Variants in WIPF1 observed in about 807,000 individuals in gnomAD.
WIPF1 encodes WAS/WASL interacting protein family member 1.
WIPF1 carries 13 observed loss-of-function variants against 35.4 expected under a neutral mutation model. The observed-to-expected ratio is 0.37, with a 90% confidence interval of 0.24 to 0.58. The LOEUF (loss-of-function observed/expected upper bound fraction) is 0.58, where lower values mean the gene tolerates loss of function less well. Among genes scored for constraint, WIPF1 ranks in the 20% least tolerant of loss-of-function variants. The pLI, the probability that WIPF1 is intolerant of heterozygous loss-of-function variation, is 0.74. For missense variants in WIPF1, 591 were observed against 667.0 expected (o/e 0.89, Z 1.25); for synonymous variants, 267 against 266.3 (o/e 1.00, Z -0.02).
chr2:174,591,029 T>C (rs775153524), intron 1 of WIPF1, among the ~76,000 whole-genome samples: 47 of 152,174 alleles, frequency 3.1e-4, no homozygotes, highest in Middle Eastern at 3.2e-3. Flanking sequence ...TTTAAAGAGG[T>C]GATTAAGCTA....
At chr2:174,676,297 T>TTCCTTCCTCCC (rs1688129369) in intron 1 of WIPF1, 1 of 119,850 alleles carries the variant, frequency 8.3e-6, no homozygotes. Context: ...CCTCCCTTCC[T>TTCCTTCCTCCC]TCCTTCCTCC....
At chr2:174,673,471 T>C (rs1441058615) in intron 1 of WIPF1, 5 of 152,216 alleles carry the variant, frequency 3.3e-5, no homozygotes, top group African/African-American at 4.8e-5. Flanking sequence ...GACCTCTGGG[T>C]TCTGCATAAG....
Position 174,571,953 on chromosome 2 carries a change from A to AGGG in WIPF1, c.849_851dup (p.Pro287dup), listed in dbSNP as rs1559147066. The AGGG allele has an allele frequency of 1.3e-6, 2 of 1,573,216 alleles. No individual in the cohort carries two copies. Among genetic ancestry groups the AGGG allele is most frequent in the Admixed American group, 3.7e-5 (2 of 54,370 alleles). Reference sequence around the variant, plus strand: ...GAGGCTTGTTGTTCTGAGGAGGAGGAGGGGGAACCGCTTCCCTGTGGATGG... The same window carrying AGGG: ...GAGGCTTGTTGTTCTGAGGAGGAGGAGGGGGGGGAACCGCTTCCCTGTGGATGG... On this transcript the variant is annotated inframe_insertion, in exon 5 of 8. Coordinates refer to ENST00000679041, the MANE Select transcript of WIPF1 (RefSeq NM_001375834.1). The surrounding 1 kb of genome is among the most constrained non-coding windows in gnomAD (Gnocchi z 4.6).
chr2:174,606,305 C>CA (rs1209101025), intron 1 of WIPF1, among the ~76,000 whole-genome samples: 2 of 152,000 alleles, frequency 1.3e-5, no homozygotes, highest in African/African-American at 2.4e-5. Flanking sequence ...AAAATAGTAT[C>CA]AAAAAAACCA....
chr2:174,670,877 G>A (rs917661041), intron 1 of WIPF1, among the ~76,000 whole-genome samples: 2 of 143,584 alleles, frequency 1.4e-5, no homozygotes, highest in Non-Finnish European at 3.2e-5. Flanking sequence ...TAGGCATAGG[G>A]TGTTTTGTCT....
intron 1 of WIPF1, among the ~76,000 whole-genome samples, chr2:174,609,625 A>G (rs1686282362): frequency 6.6e-6 from 1 of 152,248 alleles, no homozygotes; most frequent in Non-Finnish European, 1.5e-5. Flanking sequence ...AATTAAGACT[A>G]CATTGATTTG....
chr2:174,593,212 A>G (rs186993909), intron 1 of WIPF1, among the ~76,000 whole-genome samples: 9,968 of 152,164 alleles, frequency 0.066, 456 homozygotes, highest in Non-Finnish European at 0.1. Flanking sequence ...TTATAAGTAC[A>G]TGTACATCTC....
intron 1 of WIPF1, among the ~76,000 whole-genome samples, chr2:174,594,023 T>TA (rs1457182360): frequency 6.6e-6 from 1 of 152,244 alleles, no homozygotes; most frequent in Non-Finnish European, 1.5e-5. Context: ...TATGCATTGT[T>TA]AGTCTCCATT....
chr2:174,640,884 C>T (rs891236311), intron 1 of WIPF1, among the ~76,000 whole-genome samples: 6 of 152,160 alleles, frequency 3.9e-5, no homozygotes, highest in South Asian at 4.1e-4. Flanking sequence ...CAATGACATT[C>T]TTCACAGAAA....
intron 1 of WIPF1, among the ~76,000 whole-genome samples, chr2:174,643,630 C>T (rs1687343426): frequency 7.2e-6 from 1 of 138,470 alleles, no homozygotes; most frequent in East Asian, 1.9e-4. Context: ...TGCTGGTCTC[C>T]AACTTCTGAC....
intron 1 of WIPF1, among the ~76,000 whole-genome samples, chr2:174,609,640 G>A (rs533267281): frequency 1.3e-5 from 2 of 152,336 alleles, no homozygotes; most frequent in South Asian, 4.1e-4. Flanking sequence ...GATTTGGAGG[G>A]AAATTGTGTG....
chr2:174,676,437 C>G (rs1688133855), intron 1 of WIPF1: 2 of 148,842 alleles, frequency 1.3e-5, no homozygotes, highest in South Asian at 4.3e-4. Context: ...TCCTGAGTAG[C>G]TGGGACTACA....
chr2:174,596,572 A>G (rs1186860810), intron 1 of WIPF1, among the ~76,000 whole-genome samples: 3 of 152,094 alleles, frequency 2.0e-5, no homozygotes, highest in Non-Finnish European at 4.4e-5. Flanking sequence ...CCACCTCTCC[A>G]TTCTCTACTA....
Position 174,581,396 on chromosome 2 carries a change from C to G in WIPF1, c.95G>C (p.Gly32Ala). ...GATATCAGAAAGGAGAGCATTTCTCCCAGCCTGCTCTGTCTTATTCAAGGT... is the reference window on the plus strand; with the variant it reads ...GATATCAGAAAGGAGAGCATTTCTCGCAGCCTGCTCTGTCTTATTCAAGGT... ...KPTLNKTEQA[G>A]RNALLSDISK... The change falls in exon 3 of 8, where the codon GGG becomes GCG. Residue 32 changes from glycine to alanine, a missense_variant. This residue lies in a region of WIPF1 where 471 missense variants were observed against 501.1 expected (regional missense o/e 0.94). Transcript: ENST00000679041. The G allele has an allele frequency of 6.2e-7, 1 of 1,614,000 alleles. No individual in the cohort carries two copies. The highest frequency in any genetic ancestry group is 8.5e-7 in the Non-Finnish European group (1 of 1,179,976).
chr2:174,612,607 G>A (rs770536835), intron 1 of WIPF1, among the ~76,000 whole-genome samples: 2 of 151,260 alleles, frequency 1.3e-5, no homozygotes, highest in African/African-American at 2.4e-5. Context: ...TGATACATAC[G>A]ATTAAATTAT....
chr2:174,675,978 A>G (rs1267320037), intron 1 of WIPF1, among the ~76,000 whole-genome samples: 3 of 139,838 alleles, frequency 2.1e-5, no homozygotes, highest in Non-Finnish European at 4.6e-5. Context: ...ACAGAGTCTC[A>G]CTCTATCACC....
intron 1 of WIPF1, among the ~76,000 whole-genome samples, chr2:174,644,596 G>A (rs147754764): frequency 6.6e-6 from 1 of 152,160 alleles, no homozygotes; most frequent in Non-Finnish European, 1.5e-5. Context: ...GCAATCTGGA[G>A]ATCTACAGAG....
intron 1 of WIPF1, among the ~76,000 whole-genome samples, chr2:174,618,430 A>C (rs1298029913): frequency 1.3e-5 from 2 of 152,018 alleles, no homozygotes; most frequent in East Asian, 1.9e-4. Flanking sequence ...CAGTGGACTT[A>C]AGAGAGGAGG....
At chr2:174,679,209 G>A (rs1688200807) in intron 1 of WIPF1, among the ~76,000 whole-genome samples, 2 of 152,098 alleles carry the variant, frequency 1.3e-5, no homozygotes, top group East Asian at 1.9e-4. Context: ...GGTGGCTCAC[G>A]GCTGTAATCC....
Sources: allele counts gnomAD v4.1 joint callset (sites outside exome capture counted in the v4.1 genomes callset), GRCh38; gene constraint gnomAD v4.1.1; regional missense constraint gnomAD v4.1.1; non-coding constraint Gnocchi (gnomAD v3.1); transcripts MANE v1.5; gene names NCBI Gene and HGNC (gene_info 2026-07-23, HGNC 2026-07-21).